UBXN2B: variants seen among roughly 807,000 people sequenced by gnomAD.
The protein encoded by UBXN2B is UBX domain protein 2B.
Under a neutral mutation model 37.5 loss-of-function variants are expected in UBXN2B, and 19 were observed. The observed-to-expected ratio is 0.51, with a 90% CI of 0.35 to 0.74. The LOEUF (loss-of-function observed/expected upper bound fraction) is 0.74, where lower values mean the gene tolerates loss of function less well. Among genes scored for constraint, UBXN2B ranks in the 30% least tolerant of loss-of-function variants. UBXN2B has a pLI of 0.01. For synonymous variants in UBXN2B, 145 were observed against 143.8 expected, an observed-to-expected ratio of 1.01 and a Z score of -0.06; for missense variants, 370 against 393.2, an observed-to-expected ratio of 0.94 and a Z score of 0.50.
chr8:58,432,885 G>A (rs112330317), intron 3 of UBXN2B, among the ~76,000 whole-genome samples: 2,386 of 151,694 alleles, frequency 0.016, 63 homozygotes, highest in African/African-American at 0.054. Flanking sequence ...GCCTAGAAAC[G>A]TGTCTTTTTA....
intron 1 of UBXN2B, among the ~76,000 whole-genome samples, chr8:58,415,399 C>G (rs1807749538): frequency 6.6e-6 from 1 of 151,960 alleles, no homozygotes; most frequent in Non-Finnish European, 1.5e-5. Context: ...ACTTTAGACC[C>G]TAGTCATCAG....
chr8:58,422,097 A>G (rs1171180931), intron 2 of UBXN2B, among the ~76,000 whole-genome samples: 1 of 152,248 alleles, frequency 6.6e-6, no homozygotes, highest in Non-Finnish European at 1.5e-5. Context: ...AAAGAACAGG[A>G]TTCAAGCTTC....
Position 58,430,608 on chromosome 8 carries a change from G to C in UBXN2B, c.278G>C (p.Arg93Thr). 6.2e-7 allele frequency: 1 copy of C among 1,603,306 alleles called. No individual in the cohort carries two copies. Among genetic ancestry groups the C allele is most frequent in the Non-Finnish European group, 8.5e-7 (1 of 1,173,968 alleles). ...GTGAATGAACTTTTCAAAGAGGCAA[G>C]GGAACATGGGGCTGTCCCTCTGAAT... is the stretch of plus-strand genomic sequence containing the variant. ...KIVNELFKEA[R>T]EHGAVPLNEA... Residue 93 changes from arginine (R) to threonine (T), a missense_variant, in exon 3 of 8, where the codon AGG becomes ACG. By Grantham distance (71) the Arg-to-Thr change is moderately conservative. This residue lies in a region of UBXN2B where 197 missense variants were observed against 170.2 expected (regional missense o/e 1.16). Coordinates refer to ENST00000399598, the MANE Select transcript of UBXN2B (RefSeq NM_001077619.2).
intron 1 of UBXN2B, among the ~76,000 whole-genome samples, chr8:58,412,488 T>C (rs1807664011): frequency 6.6e-6 from 1 of 152,220 alleles, no homozygotes; most frequent in Admixed American, 6.5e-5. Flanking sequence ...AAATAAGCAG[T>C]GCATAAAGCG....
At position 58,434,497 on chromosome 8, in the gene UBXN2B, A is replaced by G; in HGVS notation, c.526A>G (p.Lys176Glu). 1 of 1,540,548 alleles carries G rather than the reference A, an allele frequency of 6.5e-7. No individual in the cohort carries two copies. The highest frequency in any genetic ancestry group is 8.7e-7 in the Non-Finnish European group (1 of 1,144,948). Residue 176 changes from lysine (K) to glutamate (E), a missense_variant, in exon 5 of 8, where the codon AAG becomes GAG. Physicochemically the swap from Lys to Glu is moderately conservative, Grantham distance 56 (BLOSUM62 1). Coordinates refer to ENST00000399598, the MANE Select transcript of UBXN2B (RefSeq NM_001077619.2). ...PTNAQFLESV[K>E]RGEIPLELQR... ...AAATGCTCAATTTCTGGAGTCTGTT[A>G]AGAGAGGGTAAGATGTATTATTTGT...
intron 1 of UBXN2B, among the ~76,000 whole-genome samples, chr8:58,414,152 G>T (rs571402181): frequency 6.6e-6 from 1 of 152,318 alleles, no homozygotes; most frequent in South Asian, 2.1e-4. Context: ...TCTGATAACT[G>T]TGTTGCCACA....
In UBXN2B at chr8:58,447,829, TAAC is replaced by T. The variant is rs1808715124; in HGVS notation, c.*283_*285del. ...AGTTGTTACATGCTTAGTGTTAATG[TAAC>T]AACATTTGTTTGCAGAGAAAAATGA... On this transcript the variant is annotated 3_prime_UTR_variant, in exon 8 of 8. Transcript: ENST00000399598. 8.3e-6 allele frequency: 2 copies of T among 242,110 alleles called. No individual in the cohort carries two copies. The highest frequency in any genetic ancestry group is 1.6e-5 in the Non-Finnish European group (2 of 127,934). 15.0% of individuals were successfully genotyped at this position (242,110 alleles called of 1,614,324 possible).
At position 58,424,904 on chromosome 8, in the gene UBXN2B, C is replaced by A. The variant is rs1191530027; in HGVS notation, c.189-5615C>A. 10 of 950,922 alleles carry A rather than the reference C, an allele frequency of 1.1e-5. No homozygotes were observed. The East Asian group carries it at 2.4e-4, about 23-fold the overall frequency. The allele number at this position is 950,922 out of a possible 1,614,324, so 58.9% of individuals were successfully genotyped here. A position where few individuals can be genotyped will look rare whatever the true frequency, so the allele number is the denominator to read the frequency against. On this transcript the variant is annotated intron_variant, in intron 2 of 7. Transcript: ENST00000399598. ...TGCACCATCTGGATAGTTTTGAGAA[C>A]GTCAATGTTGCAGTCAACACCTTTC...
intron 2 of UBXN2B, among the ~76,000 whole-genome samples, chr8:58,417,776 T>G (rs1440416751): frequency 6.6e-6 from 1 of 152,188 alleles, no homozygotes; most frequent in Non-Finnish European, 1.5e-5. Context: ...ATTCACCAAG[T>G]TGGTACAATG....
At chr8:58,445,611 C>T (rs1808648742) in intron 6 of UBXN2B, among the ~76,000 whole-genome samples, 1 of 152,146 alleles carries the variant, frequency 6.6e-6, no homozygotes, top group Non-Finnish European at 1.5e-5. Flanking sequence ...TGTCTGTGCT[C>T]TTAATGATTC....
At chr8:58,426,684 A>G (rs1808101881) in intron 2 of UBXN2B, 1 of 724,368 alleles carries the variant, frequency 1.4e-6, no homozygotes, top group Non-Finnish European at 2.6e-6. Flanking sequence ...CTACAATGTC[A>G]TGTTCCTCCC....
intron 2 of UBXN2B, 117 bp downstream of exon 2, chr8:58,417,070 A>G (rs1011152267): frequency 3.4e-5 from 27 of 800,352 alleles, no homozygotes; most frequent in Admixed American, 3.5e-5. Context: ...TTTAAAAATT[A>G]TTATTCCAAG....
intron 5 of UBXN2B, among the ~76,000 whole-genome samples, chr8:58,439,176 T>A (rs1013256682): frequency 1.3e-5 from 2 of 152,222 alleles, no homozygotes; most frequent in African/African-American, 4.8e-5. Flanking sequence ...TAAACCTCTT[T>A]GCTTTATAAA....
At chr8:58,412,376 G>A (rs1484464073) in intron 1 of UBXN2B, among the ~76,000 whole-genome samples, 1 of 152,212 alleles carries the variant, frequency 6.6e-6, no homozygotes, top group Admixed American at 6.5e-5. Context: ...GTATGTAAGT[G>A]TAAAAGACAG....
At chr8:58,439,358 CTG>C in intron 5 of UBXN2B, among the ~76,000 whole-genome samples, 1 of 152,128 alleles carries the variant, frequency 6.6e-6, no homozygotes, top group East Asian at 1.9e-4. Flanking sequence ...ATATAAATTG[CTG>C]TCTTAAAATT....
chr8:58,420,309 C>T (rs2129603778), intron 2 of UBXN2B, among the ~76,000 whole-genome samples: 1 of 152,262 alleles, frequency 6.6e-6, no homozygotes, highest in East Asian at 1.9e-4. Context: ...TTAACATCCA[C>T]TAATGTTTCT....
At chr8:58,428,919 A>T (rs552334412) in intron 2 of UBXN2B, among the ~76,000 whole-genome samples, 24 of 152,208 alleles carry the variant, frequency 1.6e-4, no homozygotes, top group Non-Finnish European at 2.8e-4. Context: ...GTAGAGAAAA[A>T]ATAGTTCTTG....
intron 5 of UBXN2B, 30 bp from the exon 6 acceptor site, chr8:58,439,603 A>G: frequency 6.3e-7 from 1 of 1,587,092 alleles, no homozygotes; most frequent in Non-Finnish European, 8.5e-7. Flanking sequence ...GGAAAACTTA[A>G]TGATAACTTT....
intron 6 of UBXN2B, among the ~76,000 whole-genome samples, chr8:58,444,205 C>T (rs1188144544): frequency 6.6e-6 from 1 of 152,224 alleles, no homozygotes; most frequent in Non-Finnish European, 1.5e-5. Context: ...TCAGCTCTCT[C>T]ACTTACCAAT....
Sources: allele counts gnomAD v4.1 joint callset (sites outside exome capture counted in the v4.1 genomes callset), GRCh38; gene constraint gnomAD v4.1.1; regional missense constraint gnomAD v4.1.1; transcripts MANE v1.5; gene names NCBI Gene and HGNC (gene_info 2026-07-23, HGNC 2026-07-21).